BRIP1: variants seen among roughly 807,000 people sequenced by gnomAD.
BRIP1 encodes Fanconi anemia group J protein.
BRIP1 carries 88 observed loss-of-function variants against 119.7 expected under a neutral mutation model. That is an observed-to-expected ratio of 0.74 (90% CI 0.62 to 0.88). The LOEUF is 0.88. Among genes scored for constraint, BRIP1 ranks in the 40% least tolerant of loss-of-function variants. The probability of loss-of-function intolerance (pLI) is 0.00; values close to 1 mark genes in which losing one functional copy is unlikely to be tolerated. For synonymous variants in BRIP1, 443 were observed against 496.5 expected (o/e 0.89, Z 1.43); for missense variants, 1,259 against 1,455.4 (o/e 0.87, Z 2.20).
At chr17:61,773,650 C>T (rs2077491690) in intron 14 of BRIP1, among the ~76,000 whole-genome samples, 1 of 151,750 alleles carries the variant, frequency 6.6e-6, no homozygotes, top group African/African-American at 2.4e-5. Context: ...GGCTCCCATC[C>T]CTACAGAATG....
chr17:61,749,736 G>A (rs2077107660), intron 14 of BRIP1, among the ~76,000 whole-genome samples: 5 of 152,134 alleles, frequency 3.3e-5, no homozygotes, highest in African/African-American at 1.2e-4. Flanking sequence ...TGTTTTATGG[G>A]TTTCAATATA....
chr17:61,847,386 C>T (rs953657496), intron 5 of BRIP1, among the ~76,000 whole-genome samples, 166 bp from the exon 6 acceptor site: 2 of 152,170 alleles, frequency 1.3e-5, no homozygotes, highest in Admixed American at 1.3e-4. Context: ...ATAAGCACCT[C>T]ATTACAACAC....
intron 11 of BRIP1, among the ~76,000 whole-genome samples, chr17:61,782,042 T>C (rs1402576558): frequency 2.0e-5 from 3 of 151,934 alleles, no homozygotes; most frequent in East Asian, 1.9e-4. Context: ...TTAACAACTG[T>C]GGAGAGAATC....
At chr17:61,721,062 A>G (rs2144462507) in intron 16 of BRIP1, among the ~76,000 whole-genome samples, 1 of 151,998 alleles carries the variant, frequency 6.6e-6, no homozygotes, top group East Asian at 1.9e-4. Context: ...GGCTGGTCTC[A>G]AACGCCTGAC....
chr17:61,817,331 T>A (rs1331572362), intron 6 of BRIP1, among the ~76,000 whole-genome samples: 4 of 152,050 alleles, frequency 2.6e-5, no homozygotes, highest in Admixed American at 2.0e-4. Flanking sequence ...AAAAGGCTTT[T>A]AAAAAAAACC....
At chr17:61,781,277 C>T (rs2077616086) in intron 11 of BRIP1, among the ~76,000 whole-genome samples, 1 of 152,178 alleles carries the variant, frequency 6.6e-6, no homozygotes, top group Non-Finnish European at 1.5e-5. Flanking sequence ...CATTTTCAAA[C>T]ATTACATATG....
chr17:61,819,958 C>A (rs1262723285), intron 6 of BRIP1, among the ~76,000 whole-genome samples: 1 of 151,622 alleles, frequency 6.6e-6, no homozygotes, highest in Admixed American at 6.6e-5. Context: ...GATTATTACA[C>A]ATTGCATGCC....
intron 4 of BRIP1, among the ~76,000 whole-genome samples, chr17:61,850,833 A>G (rs2078810369): frequency 6.6e-6 from 1 of 151,914 alleles, no homozygotes; most frequent in Admixed American, 6.6e-5. Context: ...TGTCTCCAAA[A>G]AAAAAAGAAA....
rs786202760 is a variant in BRIP1, at chr17:61,776,557, C to G, written c.1941G>C (p.Trp647Cys). The G allele has an allele frequency of 2.5e-6, 4 of 1,613,870 alleles. No individual in the cohort carries two copies. The highest frequency in any genetic ancestry group is 3.3e-5 in the Admixed American group (2 of 60,008). Residue 647 changes from tryptophan (W) to cysteine (C), a missense_variant, in exon 14 of 20, where the codon TGG becomes TGC. By Grantham distance (215) the Trp-to-Cys change is radical. This residue lies in a region of BRIP1 where 753 missense variants were observed against 891.8 expected (regional missense o/e 0.84). Coordinates refer to ENST00000259008, the MANE Select transcript of BRIP1 (RefSeq NM_032043.3). The surrounding 1 kb of genome is among the most constrained non-coding windows in gnomAD (Gnocchi z 5.0). ...ANHIIKNSQV[W>C]VGTIGSGPKG... is the part of the protein sequence containing the mutation. ...TGGGGCCTGACCCAATGGTACCAAC[C>G]CAAACCTAGAATATGAATATGTCAT...
Position 61,680,541 on chromosome 17 carries a change from G to A in BRIP1, c.*2755C>T, listed in dbSNP as rs1192871909. 2.2e-5 allele frequency among the ~76,000 whole-genome samples: 3 copies of A among 136,938 alleles called. No individual in the cohort carries two copies. The highest frequency in any genetic ancestry group is 4.5e-4 in the East Asian group (2 of 4,434). 89.8% of individuals were successfully genotyped at this position (136,938 alleles called of 152,430 possible). On this transcript the variant is annotated 3_prime_UTR_variant, in exon 20 of 20. Transcript: ENST00000259008. ...GTCGCCCAGGCTGGAGTGCAGTGGC[G>A]CAATCTCGGCTCACTGCAAGCTCCA...
rs756354342 is a variant in BRIP1, at chr17:61,796,922, T to C, written c.1340+2178A>G. Among the ~76,000 whole-genome samples the C allele has an allele frequency of 6.6e-6, 1 of 152,012 alleles. No individual in the cohort carries two copies. Among genetic ancestry groups the C allele is most frequent in the Non-Finnish European group, 1.5e-5 (1 of 67,944 alleles). ...ATTGGATGAGGTGAGGCAGTAAGGATATTATTAAGGATAGTATTTAACTTT... is the reference window on the plus strand; with the variant it reads ...ATTGGATGAGGTGAGGCAGTAAGGACATTATTAAGGATAGTATTTAACTTT... On this transcript the variant is annotated intron_variant, in intron 9 of 19. Transcript: ENST00000259008. This position sits in a 1 kb window ranked among gnomAD's most constrained non-coding sequence, Gnocchi z 4.8.
At chr17:61,787,855 A>T (rs1305993189) in intron 10 of BRIP1, among the ~76,000 whole-genome samples, 5 of 152,122 alleles carry the variant, frequency 3.3e-5, no homozygotes, top group African/African-American at 1.2e-4. Flanking sequence ...CGTGTTAGCC[A>T]GGATGGTCTC....
rs147755882 is a variant in BRIP1, at chr17:61,850,078, T to A, written c.380-822A>T. Among the ~76,000 whole-genome samples, 1,354 of 151,994 alleles carry A rather than the reference T, an allele frequency of 8.9e-3. 27 individuals are homozygous for A. Among genetic ancestry groups the A allele is most frequent in the African/African-American group, 0.031 (1,288 of 41,446 alleles). Reference sequence around the variant, plus strand: ...ATTCTCTCCACTCCCATGGCTTGAATTAATTTAACAATCTTTTTTAACCAT... The same window carrying A: ...ATTCTCTCCACTCCCATGGCTTGAAATAATTTAACAATCTTTTTTAACCAT... On this transcript the variant is annotated intron_variant, in intron 4 of 19. Transcript: ENST00000259008.
At position 61,793,571 on chromosome 17, in the gene BRIP1, T is replaced by A. The variant is rs1230231186; in HGVS notation, c.1473+26A>T. 4 of 1,589,824 alleles carry A rather than the reference T, an allele frequency of 2.5e-6. No individual in the cohort carries two copies. In the East Asian group the frequency reaches 9.0e-5, roughly 36 times the overall value. On this transcript the variant is annotated intron_variant, in intron 10 of 19. Coordinates refer to ENST00000259008, the MANE Select transcript of BRIP1 (RefSeq NM_032043.3). The surrounding 1 kb of genome is among the most constrained non-coding windows in gnomAD (Gnocchi z 5.2). ...AATCACTTCTAATTCACTAAATACG[T>A]TTCACAGGTAGAAAAAATATCTTAC...
rs761639530 is a variant in BRIP1, at chr17:61,685,874, G to A, written c.2867C>T (p.Ser956Leu). Residue 956 changes from serine to leucine, a missense_variant, in exon 19 of 20, where the codon TCA (serine) becomes TTA (leucine). By Grantham distance (145) the Ser-to-Leu change is moderately radical. Coordinates refer to ENST00000259008, the MANE Select transcript of BRIP1 (RefSeq NM_032043.3). ...LQCPKIITKN[S>L]PLPSSIISRK... The stretch of plus-strand genomic sequence containing the variant: ...GGAGATAATGCTACTTGGTAGAGGT[G>A]AATTTTTGGTAATAATTTTAGGACA... The A allele has an allele frequency of 6.2e-7, 1 of 1,613,376 alleles. No homozygotes were observed. The highest frequency in any genetic ancestry group is 1.3e-5 in the African/African-American group (1 of 74,870).
chr17:61,777,264 GA>G (rs111935123), intron 13 of BRIP1, among the ~76,000 whole-genome samples: 1 of 152,068 alleles, frequency 6.6e-6, no homozygotes, highest in Non-Finnish European at 1.5e-5. Flanking sequence ...GCATTGAGTA[GA>G]AAAAAACAAA....
Position 61,843,307 on chromosome 17 carries a change from C to G in BRIP1, c.627+3794G>C, listed in dbSNP as rs944207698. Among the ~76,000 whole-genome samples the G allele has an allele frequency of 3.3e-5, 5 of 152,048 alleles. No individual in the cohort carries two copies. The highest frequency in any genetic ancestry group is 1.2e-4 in the African/African-American group (5 of 41,394). On this transcript the variant is annotated intron_variant, in intron 6 of 19. Transcript: ENST00000259008. The surrounding 1 kb of genome is among the most constrained non-coding windows in gnomAD (Gnocchi z 5.7). ...GATCTAATGAACAGCATCATGACAA[C>G]AGTTAATAATACTATATTCTAGGCT...
chr17:61,715,946 C>T lies in BRIP1; in HGVS notation c.2492+5G>A, dbSNP rs763222019. 9.6e-6 allele frequency: 15 copies of T among 1,556,836 alleles called. No homozygotes were observed. The highest frequency in any genetic ancestry group is 1.3e-5 in the Non-Finnish European group (15 of 1,130,020). ...TAATATTATATTAAATTTCACTCCACTTACCTACCAAGGGCCTGGTTTAAG... is the reference window on the plus strand; with the variant it reads ...TAATATTATATTAAATTTCACTCCATTTACCTACCAAGGGCCTGGTTTAAG... On this transcript the variant is annotated splice_donor_5th_base_variant and intron_variant, in intron 17 of 19. Coordinates refer to ENST00000259008, the MANE Select transcript of BRIP1 (RefSeq NM_032043.3).
rs587780231 is a variant in BRIP1, at chr17:61,780,860, A to C, written c.1774T>G (p.Trp592Gly). 2 of 1,614,244 alleles carry C rather than the reference A, an allele frequency of 1.2e-6. No individual in the cohort carries two copies. The highest frequency in any genetic ancestry group is 1.7e-6 in the Non-Finnish European group (2 of 1,180,038). The change falls in exon 12 of 20, where the codon TGG becomes GGG. Residue 592 changes from tryptophan (W) to glycine (G), a missense_variant. Around this residue, in one of 3 missense-constraint regions of BRIP1, gnomAD observed 753 missense variants for 891.8 expected, o/e 0.84. Transcript: ENST00000259008. This position sits in a 1 kb window ranked among gnomAD's most constrained non-coding sequence, Gnocchi z 5.4. ...CTTACCACAGCTGGATTTAAGCACC[A>C]AAAGTTTAGCACATGAACTGCAGTT... ...QKTAVHVLNFWCLNPAVAFSD... is the reference protein window; with the variant it reads ...QKTAVHVLNFGCLNPAVAFSD...
Sources: gnomAD v4.1 joint callset for allele counts (sites outside exome capture counted in the v4.1 genomes callset) on GRCh38, gnomAD v4.1.1 for gene constraint, gnomAD v4.1.1 regional missense constraint, Gnocchi (gnomAD v3.1) non-coding constraint, MANE v1.5 for transcripts, NCBI Gene and HGNC (gene_info 2026-07-23, HGNC 2026-07-21) for gene names.